TPSG1: variants seen among roughly 807,000 people sequenced by gnomAD.
TPSG1 encodes the protein tryptase gamma 1.
A neutral mutation model predicts 23.8 loss-of-function variants in TPSG1; 43 were observed. The observed-to-expected ratio is 1.81, with a 90% confidence interval of 1.42 to 2.33. The LOEUF (loss-of-function observed/expected upper bound fraction) is 2.33. Ranked by LOEUF, TPSG1 falls within the 30% of genes most tolerant of loss-of-function variation. The probability of loss-of-function intolerance (pLI) is 0.00; values close to 1 mark genes in which losing one functional copy is unlikely to be tolerated. For synonymous variants in TPSG1, 302 were observed against 201.3 expected (o/e 1.50, Z -4.23); for missense variants, 623 against 438.6 (o/e 1.42, Z -3.75).
rs2141422885 is a variant in TPSG1, at chr16:1,223,580, G to T, written c.88C>A (p.Gln30Lys). 2 of 1,542,132 alleles carry T rather than the reference G, an allele frequency of 1.3e-6. No homozygotes were observed. The highest frequency in any genetic ancestry group is 1.7e-6 in the Non-Finnish European group (2 of 1,146,148). ...RTLQPGCGRP[Q>K]VSDAGGRIVG... is the part of the protein sequence containing the mutation. Reference sequence around the variant, plus strand: ...ATCCGGCCGCCTGCATCCGAAACCTGCGGCCGGCCACACCCTAAGTCGAAG... The same window carrying T: ...ATCCGGCCGCCTGCATCCGAAACCTTCGGCCGGCCACACCCTAAGTCGAAG... Residue 30 changes from glutamine to lysine, a missense_variant, in exon 3 of 6, where the codon CAG (glutamine) becomes AAG (lysine). Gln to Lys is a moderately conservative substitution (Grantham distance 53). Coordinates refer to ENST00000234798, the MANE Select transcript of TPSG1 (RefSeq NM_012467.4).
Position 1,225,209 on chromosome 16 carries a change from G to T in TPSG1, c.44C>A (p.Pro15His), listed in dbSNP as rs1172988121. The part of the protein sequence containing the change: ...ACGLLLLLAV[P>H]GVSLRTLQPG... ...CACACCCAGGCCAGGTCACCCACCG[G>T]GCACAGCCAGGAGCAGCAGGAGGCC... The change falls in exon 1 of 6, where the codon CCC becomes CAC. Residue 15 changes from proline to histidine, a missense_variant and splice_region_variant. Pro to His is a moderately conservative substitution (Grantham distance 77). Transcript: ENST00000234798. 1 of 1,576,960 alleles carries T rather than the reference G, an allele frequency of 6.3e-7. No homozygotes were observed. Among genetic ancestry groups the T allele is most frequent in the Admixed American group, 1.8e-5 (1 of 54,610 alleles).
rs770021673 is a variant in TPSG1, at chr16:1,222,218, C to T, written c.635G>A (p.Arg212Gln). 189 of 1,611,752 alleles carry T rather than the reference C, an allele frequency of 1.2e-4. No individual in the cohort carries two copies. Among genetic ancestry groups the T allele is most frequent in the South Asian group, 7.0e-4 (64 of 91,042 alleles). ...SILQPDMLCA[R>Q]GPGDACQDDS... ...CACCTGGCAGGCATCCCCGGGGCCC[C>T]GGGCACACAGCATGTCGGGCTGAAG... The change falls in exon 5 of 6, where the codon CGG (arginine) becomes CAG (glutamine). Residue 212 changes from arginine to glutamine, a missense_variant. By Grantham distance (43) the Arg-to-Gln change is conservative. Coordinates refer to ENST00000234798, the MANE Select transcript of TPSG1 (RefSeq NM_012467.4).
At position 1,222,586 on chromosome 16, in the gene TPSG1, C is replaced by G. The variant is rs909298324; in HGVS notation, c.511+66G>C. On this transcript the variant is annotated intron_variant, in intron 4 of 5. Transcript: ENST00000234798. Reference sequence around the variant, plus strand: ...AGCAGGTGGTAGCATCAGCATCCCTCAAGCCAGCTCTCTTCCTGCCGCCCT... The same window carrying G: ...AGCAGGTGGTAGCATCAGCATCCCTGAAGCCAGCTCTCTTCCTGCCGCCCT... 5 of 1,510,938 alleles carry G rather than the reference C, an allele frequency of 3.3e-6. No homozygotes were observed. The African/African-American group carries it at 7.0e-5, about 21-fold the overall frequency. 93.6% of individuals were successfully genotyped at this position (1,510,938 alleles called of 1,614,324 possible). A position where few individuals can be genotyped will look rare whatever the true frequency, so the allele number is the denominator to read the frequency against.
Position 1,221,880 on chromosome 16 carries a change from C to T in TPSG1, c.874G>A (p.Gly292Ser), listed in dbSNP as rs538414930. The T allele has an allele frequency of 2.9e-5, 46 of 1,611,680 alleles. No individual in the cohort carries two copies. The highest frequency in any genetic ancestry group is 1.8e-4 in the South Asian group (16 of 90,920). ...CAGGAGACTAGCAGAAGGAAGAGGC[C>T]GGGGAGGAAGAAGCCAGCCAGGAGG... ...LPLLAGFFLP[G>S]LFLLLVSCVL... Residue 292 changes from glycine (G) to serine (S), a missense_variant, in exon 6 of 6, where the codon GGC becomes AGC. Coordinates refer to ENST00000234798, the MANE Select transcript of TPSG1 (RefSeq NM_012467.4).
In TPSG1 at chr16:1,221,948, A is replaced by C; in HGVS notation, c.806T>G (p.Ile269Ser). Residue 269 changes from isoleucine (I) to serine (S), a missense_variant, in exon 6 of 6, where the codon ATC becomes AGC. By Grantham distance (142) the Ile-to-Ser change is moderately radical (BLOSUM62 -2). Transcript: ENST00000234798. ...AGACTCTGAGCCCCCTGATGCTGTG[A>C]TGTGGCGGCGGATCCAGTTCACGTA... is the stretch of plus-strand genomic sequence containing the variant. Reference protein sequence around the residue: ...PAYVNWIRRHITASGGSESGY... With the variant: ...PAYVNWIRRHSTASGGSESGY... The C allele has an allele frequency of 6.2e-7, 1 of 1,612,020 alleles. No homozygotes were observed. Among genetic ancestry groups the C allele is most frequent in the Non-Finnish European group, 8.5e-7 (1 of 1,179,404 alleles).
chr16:1,224,566 A>T, intron 2 of TPSG1, 36 bp downstream of exon 2: 1 of 1,612,476 alleles, frequency 6.2e-7, no homozygotes, highest in Non-Finnish European at 8.5e-7. Context: ...CCTTGCCTGC[A>T]CCCTCCCCCA....
Position 1,222,004 on chromosome 16 carries a change from G to C in TPSG1, c.750C>G (p.Asn250Lys). The change falls in exon 6 of 6, where the codon AAC becomes AAG. Residue 250 changes from asparagine to lysine, a missense_variant. By Grantham distance (94) the Asn-to-Lys change is moderately conservative. Transcript: ENST00000234798. ...VSWGEGCGRPNRPGVYTRVPA... is the reference protein window; with the variant it reads ...VSWGEGCGRPKRPGVYTRVPA... ...GGACACGAGTGTAGACTCCCGGCCT[G>C]TTGGGGCGGCCGCAGCCCTCACCCC... 6.2e-7 allele frequency: 1 copy of C among 1,612,440 alleles called. No homozygotes were observed.
chr16:1,223,640 C>G, intron 2 of TPSG1, 46 bp from the exon 3 acceptor site: 1 of 1,515,544 alleles, frequency 6.6e-7, no homozygotes. Context: ...CCCAAGAAAC[C>G]CACTGCACTT....
At chr16:1,223,887 GGGGCTCA>G (rs2030005193) in intron 2 of TPSG1, 1 of 466,976 alleles carries the variant, frequency 2.1e-6, no homozygotes, top group African/African-American at 2.1e-5. Context: ...CGGCTAGAAA[GGGGCTCA>G]GAACGGTGGA....
In TPSG1 at chr16:1,222,245, A is replaced by T. The variant is rs763277363; in HGVS notation, c.608T>A (p.Ile203Asn). ...RRDYPGPGGSILQPDMLCARG... is the reference protein window; with the variant it reads ...RRDYPGPGGSNLQPDMLCARG... ...GGCACACAGCATGTCGGGCTGAAGGATGCTGCCCCCGGGGCCGGGATAGTC... is the reference window on the plus strand; with the variant it reads ...GGCACACAGCATGTCGGGCTGAAGGTTGCTGCCCCCGGGGCCGGGATAGTC... Residue 203 changes from isoleucine (I) to asparagine (N), a missense_variant, in exon 5 of 6, where the codon ATC becomes AAC. Transcript: ENST00000234798. The T allele has an allele frequency of 3.1e-6, 5 of 1,611,900 alleles. No individual in the cohort carries two copies. Among genetic ancestry groups the T allele is most frequent in the Non-Finnish European group, 4.2e-6 (5 of 1,179,748 alleles).
rs778183247 is a variant in TPSG1 at position 1,222,210 on chromosome 16, C to T, written c.643G>A (p.Gly215Arg). 29 of 1,611,426 alleles carry T rather than the reference C, an allele frequency of 1.8e-5. No homozygotes were observed. In the African/African-American group the frequency reaches 1.9e-4, roughly 10 times the overall value. ...GGCAGGCTCACCTGGCAGGCATCCC[C>T]GGGGCCCCGGGCACACAGCATGTCG... ...QPDMLCARGP[G>R]DACQDDSGGP... Residue 215 changes from glycine to arginine, a missense_variant, in exon 5 of 6, where the codon GGG becomes AGG. Coordinates refer to ENST00000234798, the MANE Select transcript of TPSG1 (RefSeq NM_012467.4).
chr16:1,225,224 A>C lies in TPSG1; in HGVS notation c.29T>G (p.Leu10Arg), dbSNP rs1347119290. The C allele has an allele frequency of 1.5e-5, 24 of 1,579,490 alleles. No homozygotes were observed. Among genetic ancestry groups the C allele is most frequent in the Non-Finnish European group, 2.1e-5 (24 of 1,163,026 alleles). The stretch of plus-strand genomic sequence containing the variant: ...TCACCCACCGGGCACAGCCAGGAGC[A>C]GCAGGAGGCCACAGGCCCCAAGGGC... MALGACGLL[L>R]LLAVPGVSLR... The change falls in exon 1 of 6, where the codon CTG (leucine) becomes CGG (arginine). Residue 10 changes from leucine (L) to arginine (R), a missense_variant. Leu to Arg is a moderately radical substitution (Grantham distance 102). Coordinates refer to ENST00000234798, the MANE Select transcript of TPSG1 (RefSeq NM_012467.4).
chr16:1,223,534 G>A lies in TPSG1; in HGVS notation c.134C>T (p.Pro45Leu), dbSNP rs746784578. 3.0e-5 allele frequency: 47 copies of A among 1,549,062 alleles called. No individual in the cohort carries two copies. Among genetic ancestry groups the A allele is most frequent in the South Asian group, 7.1e-5 (6 of 84,390 alleles). Reference protein sequence around the residue: ...GGRIVGGHAAPAGAWPWQASL... With the variant: ...GGRIVGGHAALAGAWPWQASL... The stretch of plus-strand genomic sequence containing the variant: ...GGCCTGCCATGGCCATGCGCCGGCC[G>A]GGGCAGCGTGACCCCCCACGATCCG... The change falls in exon 3 of 6, where the codon CCG becomes CTG. Residue 45 changes from proline to leucine, a missense_variant. Transcript: ENST00000234798.
Position 1,221,932 on chromosome 16 carries a change from G to GC in TPSG1, c.821dup (p.Ser275LeufsTer47). ...GGAGCCTGGGGTACCCAGACTCTGAGCCCCCTGATGCTGTGATGTGGCGGC... is the reference window on the plus strand; with the variant it reads ...GGAGCCTGGGGTACCCAGACTCTGAGCCCCCCTGATGCTGTGATGTGGCGGC... On this transcript the variant is annotated frameshift_variant, in exon 6 of 6. Transcript: ENST00000234798. LOFTEE classifies it low-confidence loss of function (END_TRUNC). 1.9e-6 allele frequency: 3 copies of GC among 1,611,326 alleles called. No homozygotes were observed. Among genetic ancestry groups the GC allele is most frequent in the Non-Finnish European group, 8.5e-7 (1 of 1,178,916 alleles).
At chr16:1,225,178 C>G (rs1168835274) in intron 1 of TPSG1, 29 bp downstream of exon 1, 11 of 1,561,158 alleles carry the variant, frequency 7.0e-6, no homozygotes, top group Middle Eastern at 1.7e-4. Flanking sequence ...GATGCCCCCC[C>G]ATCCCCACAC....
In TPSG1 at chr16:1,222,394, TGG is replaced by T. The variant is rs1772032107; in HGVS notation, c.512-55_512-54del. Reference sequence around the variant, plus strand: ...AAGGTTGGGGCACCAGGCCCTGCACTGGGGGGATGGGAGACCTTGCCAGACAC... The same window carrying T: ...AAGGTTGGGGCACCAGGCCCTGCACTGGGGATGGGAGACCTTGCCAGACAC... On this transcript the variant is annotated intron_variant, in intron 4 of 5. Transcript: ENST00000234798. The T allele has an allele frequency of 5.5e-6, 8 of 1,456,786 alleles. No individual in the cohort carries two copies. In the African/African-American group the frequency reaches 7.1e-5, roughly 13 times the overall value. 90.2% of individuals were successfully genotyped at this position (1,456,786 alleles called of 1,614,324 possible).
rs1004041 is a variant in TPSG1 at position 1,221,890 on chromosome 16, G to A, written c.864C>T (p.Phe288=). 2.2e-5 allele frequency: 36 copies of A among 1,610,748 alleles called. 1 individual carries two copies. The highest frequency in any genetic ancestry group is 1.3e-4 in the Admixed American group (8 of 59,788). ...GCAGAAGGAAGAGGCCGGGGAGGAA[G>A]AAGCCAGCCAGGAGGGGGAGCCTGG... ...GYPRLPLLAG[F]FLPGLFLLLV... The change falls in exon 6 of 6, where the codon TTC becomes TTT. Residue 288 remains phenylalanine, a synonymous_variant. Coordinates refer to ENST00000234798, the MANE Select transcript of TPSG1 (RefSeq NM_012467.4).
At position 1,222,082 on chromosome 16, in the gene TPSG1, C is replaced by T; in HGVS notation, c.672G>A (p.Gly224=). The T allele has an allele frequency of 6.2e-7, 1 of 1,612,756 alleles. No homozygotes were observed. The highest frequency in any genetic ancestry group is 8.5e-7 in the Non-Finnish European group (1 of 1,179,986). Residue 224 remains glycine (G), a synonymous_variant, in exon 6 of 6, where the codon GGG becomes GGA. Coordinates refer to ENST00000234798, the MANE Select transcript of TPSG1 (RefSeq NM_012467.4). ...PGDACQDDSG[G]PLVCQVNGAW... ...CACCGTTCACCTGGCAGACCAGAGG[C>T]CCCCCGGAGTCGTCCTGAGGACAGA...
intron 1 of TPSG1, 146 bp downstream of exon 1, chr16:1,225,061 G>T: frequency 1.1e-6 from 1 of 878,450 alleles, no homozygotes; most frequent in Non-Finnish European, 1.7e-6. Context: ...CAGGGGTGCA[G>T]TCTCTTCAGA....
Sources: gnomAD v4.1 joint callset for allele counts on GRCh38, gnomAD v4.1.1 for gene constraint, MANE v1.5 for transcripts, NCBI Gene and HGNC (gene_info 2026-07-23, HGNC 2026-07-21) for gene names.